Variants in MCTP1 observed in about 807,000 individuals in gnomAD.
MCTP1 encodes multiple C2 and transmembrane domain containing 1, also known as multiple C2 and transmembrane domain-containing protein 1.
Under a neutral mutation model 120.6 loss-of-function variants are expected in MCTP1, and 69 were observed. That is an observed-to-expected ratio of 0.57 (90% confidence interval 0.47 to 0.70). The LOEUF (loss-of-function observed/expected upper bound fraction) is 0.70. Ranked by LOEUF, MCTP1 falls within the 30% of genes least tolerant of loss-of-function variation. MCTP1 has a pLI of 0.00. For synonymous variants in MCTP1, 529 were observed against 493.1 expected (o/e 1.07, Z -0.96); for missense variants, 1,203 against 1,248.8 (o/e 0.96, Z 0.55).
At chr5:94,777,165 A>C (rs1775550901) in intron 19 of MCTP1, among the ~76,000 whole-genome samples, 1 of 152,232 alleles carries the variant, frequency 6.6e-6, no homozygotes, top group Non-Finnish European at 1.5e-5. Context: ...CCTGTACAGA[A>C]GAATACAGTT....
chr5:94,714,095 A>T (rs765295916), intron 20 of MCTP1, among the ~76,000 whole-genome samples: 5 of 152,178 alleles, frequency 3.3e-5, no homozygotes, highest in Non-Finnish European at 5.9e-5. Flanking sequence ...TTTTAAAAAA[A>T]ATATAACATT....
intron 1 of MCTP1, among the ~76,000 whole-genome samples, chr5:95,022,587 A>G (rs7737039): frequency 0.93 from 142,326 of 152,242 alleles, 67,265 homozygotes; most frequent in East Asian, 1. Flanking sequence ...ATAGAAAGAT[A>G]TCTTTACGAG....
At chr5:94,974,811 A>G (rs1466157616) in intron 2 of MCTP1, among the ~76,000 whole-genome samples, 2 of 152,162 alleles carry the variant, frequency 1.3e-5, no homozygotes, top group African/African-American at 2.4e-5. Context: ...AAATAGTTGC[A>G]CGACTTTTGT....
intron 1 of MCTP1, among the ~76,000 whole-genome samples, chr5:95,245,038 G>A (rs538543047): frequency 1.3e-5 from 2 of 152,212 alleles, no homozygotes; most frequent in African/African-American, 4.8e-5. Context: ...AGGCAAACAG[G>A]GTCTGGAGTG....
At chr5:95,093,135 A>G (rs1028139614) in intron 1 of MCTP1, among the ~76,000 whole-genome samples, 2 of 152,224 alleles carry the variant, frequency 1.3e-5, no homozygotes, top group African/African-American at 4.8e-5. Context: ...GTAGCATTCT[A>G]TGGGCAGTAA....
intron 1 of MCTP1, among the ~76,000 whole-genome samples, chr5:95,112,637 T>C (rs1757546906): frequency 6.6e-6 from 1 of 152,202 alleles, no homozygotes; most frequent in African/African-American, 2.4e-5. Flanking sequence ...GATATGCAAT[T>C]ATTTCATGTC....
intron 2 of MCTP1, among the ~76,000 whole-genome samples, chr5:95,011,010 G>A (rs1275010064): frequency 6.6e-6 from 1 of 152,250 alleles, no homozygotes; most frequent in African/African-American, 2.4e-5. Context: ...CAGAAATGAC[G>A]TGCTGTTTTC....
chr5:94,890,975 A>G (rs2153391775), intron 11 of MCTP1, among the ~76,000 whole-genome samples: 1 of 152,332 alleles, frequency 6.6e-6, no homozygotes, highest in East Asian at 1.9e-4. Flanking sequence ...ATGTTACTAG[A>G]GTAAAAAGCA....
chr5:95,105,789 T>C (rs542820058), intron 1 of MCTP1, among the ~76,000 whole-genome samples: 2 of 152,060 alleles, frequency 1.3e-5, no homozygotes, highest in East Asian at 3.9e-4. Flanking sequence ...AGACTTGTCT[T>C]TAAAAGAAAA....
intron 1 of MCTP1, among the ~76,000 whole-genome samples, chr5:95,149,337 C>T (rs910336920): frequency 6.0e-4 from 92 of 152,190 alleles, no homozygotes; most frequent in African/African-American, 2.1e-3. Flanking sequence ...GTAGGGGCTC[C>T]TCTACTGCTT....
chr5:95,067,742 G>A (rs1466739233), intron 1 of MCTP1, among the ~76,000 whole-genome samples: 1 of 152,014 alleles, frequency 6.6e-6, no homozygotes, highest in Non-Finnish European at 1.5e-5. Context: ...ATACACTGTG[G>A]AAAGATTCAG....
At chr5:94,815,736 T>C (rs1784369583) in intron 17 of MCTP1, among the ~76,000 whole-genome samples, 1 of 152,142 alleles carries the variant, frequency 6.6e-6, no homozygotes, top group Non-Finnish European at 1.5e-5. Context: ...AGATCAGTCT[T>C]GAGGAGGCAT....
At chr5:95,026,467 T>C (rs1447456755) in intron 1 of MCTP1, among the ~76,000 whole-genome samples, 1 of 152,180 alleles carries the variant, frequency 6.6e-6, no homozygotes, top group Non-Finnish European at 1.5e-5. Context: ...TCCCACTCTC[T>C]GGTAACCATC....
intron 1 of MCTP1, among the ~76,000 whole-genome samples, chr5:95,207,297 T>G (rs555180460): frequency 9.8e-5 from 15 of 152,300 alleles, no homozygotes; most frequent in Admixed American, 3.9e-4. Flanking sequence ...GGGGCTTATC[T>G]CTGGGACAGA....
chr5:94,948,473 C>T (rs34432232), intron 3 of MCTP1, among the ~76,000 whole-genome samples: 6,008 of 151,372 alleles, frequency 0.04, 167 homozygotes, highest in Middle Eastern at 0.092. Flanking sequence ...TTTTTTGGGT[C>T]CAAAATAGTG....
At position 94,779,189 on chromosome 5, in the gene MCTP1, T is replaced by G. The variant is rs771799437; in HGVS notation, c.2557-26A>C. 4.4e-6 allele frequency: 7 copies of G among 1,605,692 alleles called. No individual in the cohort carries two copies. In the Admixed American group the frequency reaches 1.0e-4, roughly 23 times the overall value. On this transcript the variant is annotated intron_variant, in intron 18 of 22. Coordinates refer to ENST00000515393, the MANE Select transcript of MCTP1 (RefSeq NM_024717.7). ...CTGCAGAGAGAAACAGAAGTCGTTT[T>G]TTGTGCTCTTAAAGGAGAGAATTTT...
At chr5:95,141,604 A>G (rs1193187230) in intron 1 of MCTP1, among the ~76,000 whole-genome samples, 1 of 152,186 alleles carries the variant, frequency 6.6e-6, no homozygotes. Flanking sequence ...GAATGCCTTC[A>G]TGTCCCTGGA....
chr5:95,177,909 G>A (rs969409666), intron 1 of MCTP1, among the ~76,000 whole-genome samples: 14 of 152,188 alleles, frequency 9.2e-5, no homozygotes, highest in African/African-American at 3.4e-4. Flanking sequence ...TAGTAAAAGA[G>A]ATTACGATAA....
chr5:95,031,869 C>T (rs1366100158), intron 1 of MCTP1, among the ~76,000 whole-genome samples: 6 of 152,008 alleles, frequency 3.9e-5, no homozygotes, highest in Admixed American at 6.6e-5. Context: ...GAATGACATC[C>T]GCAGGCTCAA....
Sources: gnomAD v4.1 joint callset for allele counts (sites outside exome capture counted in the v4.1 genomes callset) on GRCh38, gnomAD v4.1.1 for gene constraint, MANE v1.5 for transcripts, NCBI Gene and HGNC (gene_info 2026-07-23, HGNC 2026-07-21) for gene names.